The following KCNQ1 variants were observed in gnomAD, a reference collection of about 807,000 sequenced individuals.
KCNQ1 encodes potassium voltage-gated channel subfamily KQT member 1.
A neutral mutation model predicts 72.4 loss-of-function variants in KCNQ1; 49 were observed. The ratio of observed to expected loss-of-function variants is 0.68; its 90% CI spans 0.54 to 0.86. The LOEUF is 0.86. Among genes scored for constraint, KCNQ1 ranks in the 40% least tolerant of loss-of-function variants. The pLI, the probability that KCNQ1 is intolerant of heterozygous loss-of-function variation, is 0.00. For missense variants in KCNQ1, 790 were observed against 945.1 expected (o/e 0.84, Z 2.15); for synonymous variants, 450 against 412.6 (o/e 1.09, Z -1.10).
intron 1 of KCNQ1, 127 bp from the exon 2 acceptor site, chr11:2,527,801 G>A (rs1847536060): frequency 8.9e-6 from 7 of 784,882 alleles, no homozygotes; most frequent in South Asian, 8.4e-5. Flanking sequence ...ATGGATGACT[G>A]GGTTTTCGAA....
At chr11:2,604,789 C>T (rs925999678) in intron 10 of KCNQ1, among the ~76,000 whole-genome samples, 8 of 152,038 alleles carry the variant, frequency 5.3e-5, no homozygotes, top group South Asian at 2.1e-4. Context: ...GTGATCCACC[C>T]GCCTTGGCCT....
At position 2,592,187 on chromosome 11, in the gene KCNQ1, G is replaced by C. The variant is rs1002584427; in HGVS notation, c.1393+3333G>C. Among the ~76,000 whole-genome samples the C allele has an allele frequency of 1.2e-4, 18 of 152,250 alleles. No homozygotes were observed. The highest frequency in any genetic ancestry group is 2.4e-4 in the Non-Finnish European group (16 of 68,050). On this transcript the variant is annotated intron_variant, in intron 10 of 15. Transcript: ENST00000155840. This position sits in a 1 kb window ranked among gnomAD's most constrained non-coding sequence, Gnocchi z 5.2. ...ACAAGCCCCTTCAGCTCGTGCTCTA[G>C]CTGGTGCTGTGCGGTGTTGGCCCCA...
chr11:2,726,546 G>T (rs1366934641), intron 11 of KCNQ1, among the ~76,000 whole-genome samples: 1 of 152,196 alleles, frequency 6.6e-6, no homozygotes, highest in South Asian at 2.1e-4. Context: ...CACCATGGCT[G>T]ATGTGAGGGA....
intron 10 of KCNQ1, among the ~76,000 whole-genome samples, chr11:2,590,476 T>C (rs538230046): frequency 1.1e-4 from 17 of 152,316 alleles, no homozygotes; most frequent in African/African-American, 4.1e-4. Flanking sequence ...CAGAAAGCAC[T>C]AGTTTAGGCC....
chr11:2,815,270 T>TAC lies in KCNQ1; in HGVS notation c.1795-32497_1795-32496insAC, dbSNP rs1424093734. Among the ~76,000 whole-genome samples, 1 of 152,130 alleles carries TAC rather than the reference T, an allele frequency of 6.6e-6. No individual in the cohort carries two copies. The highest frequency in any genetic ancestry group is 6.5e-5 in the Admixed American group (1 of 15,286). On this transcript the variant is annotated intron_variant, in intron 15 of 15. Transcript: ENST00000155840. This position sits in a 1 kb window ranked among gnomAD's most constrained non-coding sequence, Gnocchi z 5.4. ...GGGTGTCTAGGCTGCCACCACAGCATCCACACTCCCCACTAGAGCCCACAT... is the reference window on the plus strand; with the variant it reads ...GGGTGTCTAGGCTGCCACCACAGCATACCCACACTCCCCACTAGAGCCCACAT...
intron 2 of KCNQ1, among the ~76,000 whole-genome samples, chr11:2,555,981 G>A (rs1433010553): frequency 1.3e-5 from 2 of 152,208 alleles, no homozygotes; most frequent in East Asian, 3.9e-4. Context: ...TGGCCTTGCT[G>A]ATGACCTGGA....
At position 2,674,458 on chromosome 11, in the gene KCNQ1, G is replaced by C. The variant is rs1850255366; in HGVS notation, c.1514+12377G>C. On this transcript the variant is annotated intron_variant, in intron 11 of 15. Coordinates refer to ENST00000155840, the MANE Select transcript of KCNQ1 (RefSeq NM_000218.3). The surrounding 1 kb of genome is among the most constrained non-coding windows in gnomAD (Gnocchi z 5.9). The stretch of plus-strand genomic sequence containing the variant: ...AGGCTGGGGGGAGGCACGTGGGGAG[G>C]AGGGCTGCCTGTCGAGATGTGTAAG... 1 of 398,570 alleles carries C rather than the reference G, an allele frequency of 2.5e-6. No homozygotes were observed. Among genetic ancestry groups the C allele is most frequent in the African/African-American group, 2.1e-5 (1 of 48,628 alleles). The allele number at this position is 398,570 out of a possible 1,614,324, so 24.7% of individuals were successfully genotyped here.
At chr11:2,474,683 T>C (rs573936911) in intron 1 of KCNQ1, among the ~76,000 whole-genome samples, 11 of 43,344 alleles carry the variant, frequency 2.5e-4, no homozygotes, top group Non-Finnish European at 9.5e-4. Flanking sequence ...GAGCTTGGGC[T>C]GAGAGCTTGG....
At position 2,816,621 on chromosome 11, in the gene KCNQ1, T is replaced by C. The variant is rs1309829294; in HGVS notation, c.1795-31146T>C. 6.6e-6 allele frequency among the ~76,000 whole-genome samples: 1 copy of C among 152,122 alleles called. No homozygotes were observed. Among genetic ancestry groups the C allele is most frequent in the Non-Finnish European group, 1.5e-5 (1 of 67,996 alleles). ...GGGCTGGAGGCAGCAGAAAGGGGGC[T>C]ATAGGACCCTTTGACTCAAGGGCTA... is the stretch of plus-strand genomic sequence containing the variant. On this transcript the variant is annotated intron_variant, in intron 15 of 15. Coordinates refer to ENST00000155840, the MANE Select transcript of KCNQ1 (RefSeq NM_000218.3). The surrounding 1 kb of genome is among the most constrained non-coding windows in gnomAD (Gnocchi z 6.8).
At position 2,570,744 on chromosome 11, in the gene KCNQ1, TTC is replaced by T; in HGVS notation, c.595_596del (p.Ser199HisfsTer85). On this transcript the variant is annotated frameshift_variant, in exon 3 of 16. Coordinates refer to ENST00000155840, the MANE Select transcript of KCNQ1 (RefSeq NM_000218.3). LOFTEE classifies it high-confidence loss of function. ...GRLRFARKPISIIDLIVVVAS... is the reference protein window; with the variant it reads ...GRLRFARKPIXIIDLIVVVAS... The stretch of plus-strand genomic sequence containing the variant: ...GGCTGCGCTTTGCCCGGAAGCCCAT[TTC>T]CATCATCGGTGAGTCATGCCTGCCC... 2 of 1,611,206 alleles carry T rather than the reference TTC, an allele frequency of 1.2e-6. No homozygotes were observed. The highest frequency in any genetic ancestry group is 1.7e-6 in the Non-Finnish European group (2 of 1,179,958).
At chr11:2,811,695 AC>A (rs1847489034) in intron 15 of KCNQ1, among the ~76,000 whole-genome samples, 1 of 152,084 alleles carries the variant, frequency 6.6e-6, no homozygotes, top group South Asian at 2.1e-4. Context: ...GGGTCAGCAG[AC>A]CCCTGGCTGG....
At chr11:2,539,890 C>T (rs922680695) in intron 2 of KCNQ1, among the ~76,000 whole-genome samples, 3 of 152,176 alleles carry the variant, frequency 2.0e-5, no homozygotes, top group Admixed American at 6.5e-5. Flanking sequence ...GCCGGCGGGC[C>T]GGGTTGGGTT....
intron 11 of KCNQ1, chr11:2,672,324 T>TGGTGTGGTGGGTGCAGAAGC: frequency 2.5e-6 from 1 of 398,386 alleles, no homozygotes; most frequent in Non-Finnish European, 4.4e-6. Context: ...CAAGGGGGCC[T>TGGTGTGGTGGGTGCAGAAGC]GGTGTGGTGG....
chr11:2,568,370 G>A (rs1057013148), intron 2 of KCNQ1, among the ~76,000 whole-genome samples: 2 of 152,228 alleles, frequency 1.3e-5, no homozygotes, highest in African/African-American at 4.8e-5. Flanking sequence ...GGTCAGCAGA[G>A]CTGGGCTGGG....
chr11:2,662,770 T>C (rs1185296006), intron 11 of KCNQ1: 6 of 399,082 alleles, frequency 1.5e-5, no homozygotes, highest in Non-Finnish European at 2.6e-5. Context: ...CCGTTGGGGA[T>C]TCCCCTTGAT....
rs1391649844 is a variant in KCNQ1, at chr11:2,715,935, A to G, written c.1515-52909A>G. Among the ~76,000 whole-genome samples the G allele has an allele frequency of 6.6e-6, 1 of 152,078 alleles. No homozygotes were observed. Among genetic ancestry groups the G allele is most frequent in the African/African-American group, 2.4e-5 (1 of 41,394 alleles). On this transcript the variant is annotated intron_variant, in intron 11 of 15. Coordinates refer to ENST00000155840, the MANE Select transcript of KCNQ1 (RefSeq NM_000218.3). The surrounding 1 kb of genome is among the most constrained non-coding windows in gnomAD (Gnocchi z 4.9). ...CCAGAGTGGGAACCATGGTGATGCA[A>G]ACCATAAACCTGTCCCCCACGTCAC...
chr11:2,740,862 T>A lies in KCNQ1; in HGVS notation c.1515-27982T>A, dbSNP rs571330700. Reference sequence around the variant, plus strand: ...ACTCTGATCCCCTGCCTCTTTCCCGTATCAGGACCCTTGTCATCACATTGG... The same window carrying A: ...ACTCTGATCCCCTGCCTCTTTCCCGAATCAGGACCCTTGTCATCACATTGG... On this transcript the variant is annotated intron_variant, in intron 11 of 15. Transcript: ENST00000155840. Among the ~76,000 whole-genome samples the A allele has an allele frequency of 2.8e-4, 42 of 152,264 alleles. 1 individual carries two copies. The highest frequency in any genetic ancestry group is 9.6e-4 in the African/African-American group (40 of 41,552).
intron 11 of KCNQ1, among the ~76,000 whole-genome samples, chr11:2,763,075 C>G (rs1175054564): frequency 1.3e-5 from 2 of 152,088 alleles, no homozygotes; most frequent in African/African-American, 4.8e-5. Flanking sequence ...AATAAACAAA[C>G]AAACAAAAAG....
At chr11:2,448,926 G>A (rs1315279413) in intron 1 of KCNQ1, among the ~76,000 whole-genome samples, 9 of 152,208 alleles carry the variant, frequency 5.9e-5, no homozygotes, top group East Asian at 1.9e-4. Flanking sequence ...ACCCCTGGCC[G>A]TCAGCTGGGG....
Sources: allele counts gnomAD v4.1 joint callset (sites outside exome capture counted in the v4.1 genomes callset), GRCh38; gene constraint gnomAD v4.1.1; non-coding constraint Gnocchi (gnomAD v3.1); transcripts MANE v1.5; gene names NCBI Gene and HGNC (gene_info 2026-07-23, HGNC 2026-07-21).